KDM4C: variants seen among roughly 807,000 people sequenced by gnomAD.
KDM4C encodes the protein lysine demethylase 4C, also known as lysine-specific demethylase 4C.
In KDM4C, 81 loss-of-function variants were observed where a neutral mutation model predicts 129.3. The ratio of observed to expected loss-of-function variants is 0.63; its 90% CI spans 0.52 to 0.75. The LOEUF is 0.75. KDM4C is among the 30% of genes least tolerant of loss of function. The pLI, the probability that KDM4C is intolerant of heterozygous loss-of-function variation, is 0.00. For missense variants in KDM4C, 1,457 were observed against 1,304.0 expected, an observed-to-expected ratio of 1.12 and a Z score of -1.81; for synonymous variants, 573 against 456.1, an observed-to-expected ratio of 1.26 and a Z score of -3.26.
At chr9:6,776,567 C>T (rs1327087681) in intron 1 of KDM4C, among the ~76,000 whole-genome samples, 3 of 145,736 alleles carry the variant, frequency 2.1e-5, no homozygotes, top group African/African-American at 7.6e-5. Flanking sequence ...GGCTCAAGTC[C>T]CATTTATCTT....
At chr9:6,737,316 G>A (rs553405046) in intron 1 of KDM4C, among the ~76,000 whole-genome samples, 65 of 151,948 alleles carry the variant, frequency 4.3e-4, no homozygotes, top group Admixed American at 1.3e-3. Flanking sequence ...GAATCCATAA[G>A]GAACTTAAAC....
At chr9:7,042,831 C>CT (rs1828820156) in intron 15 of KDM4C, among the ~76,000 whole-genome samples, 1 of 151,990 alleles carries the variant, frequency 6.6e-6, no homozygotes, top group African/African-American at 2.4e-5. Flanking sequence ...AATTGTTCTC[C>CT]TTGCTGATTG....
chr9:6,771,297 A>G (rs1186558415), intron 1 of KDM4C, among the ~76,000 whole-genome samples: 1 of 150,848 alleles, frequency 6.6e-6, no homozygotes, highest in Admixed American at 6.6e-5. Flanking sequence ...ATGTTTTCTA[A>G]GTATTTCAAT....
intron 17 of KDM4C, among the ~76,000 whole-genome samples, chr9:7,085,170 A>T (rs918355320): frequency 3.3e-5 from 5 of 152,208 alleles, no homozygotes; most frequent in Non-Finnish European, 7.3e-5. Context: ...TGAAACCAGG[A>T]AGGGGCATTG....
At chr9:7,157,360 G>C (rs1262367554) in intron 19 of KDM4C, among the ~76,000 whole-genome samples, 2 of 152,158 alleles carry the variant, frequency 1.3e-5, no homozygotes, top group South Asian at 2.1e-4. Context: ...TCTCTTGCCT[G>C]ATTGCCCTGG....
intron 19 of KDM4C, among the ~76,000 whole-genome samples, chr9:7,159,764 C>A (rs1843579058): frequency 6.6e-6 from 1 of 152,118 alleles, no homozygotes; most frequent in South Asian, 2.1e-4. Context: ...GCCCTTAACA[C>A]TTTTTCCTTC....
intron 17 of KDM4C, among the ~76,000 whole-genome samples, chr9:7,073,828 T>G (rs1833543781): frequency 6.6e-6 from 1 of 152,186 alleles, no homozygotes; most frequent in Non-Finnish European, 1.5e-5. Context: ...TTGGAAAGCT[T>G]TGACAAACAG....
intron 17 of KDM4C, among the ~76,000 whole-genome samples, chr9:7,054,305 A>G (rs1166503471): frequency 1.3e-5 from 2 of 152,216 alleles, no homozygotes; most frequent in African/African-American, 4.8e-5. Flanking sequence ...ATTTATTCAG[A>G]ATTTTTTCCT....
Position 6,779,032 on chromosome 9 carries a change from C to CTTTTTT in KDM4C, c.-17-13931_-17-13926dup, listed in dbSNP as rs60503128. 1.1e-4 allele frequency among the ~76,000 whole-genome samples: 10 copies of CTTTTTT among 94,628 alleles called. 1 individual carries two copies. Among genetic ancestry groups the CTTTTTT allele is most frequent in the African/African-American group, 5.2e-4 (10 of 19,394 alleles). 62.1% of individuals were successfully genotyped at this position (94,628 alleles called of 152,430 possible). On this transcript the variant is annotated intron_variant, in intron 1 of 21. Coordinates refer to ENST00000381309, the MANE Select transcript of KDM4C (RefSeq NM_015061.6). Reference sequence around the variant, plus strand: ...CTACCTCACCAGGCCTGATTAAAGTCTTTTTTTTTTTTTTGAGATGGAGTC... The same window carrying CTTTTTT: ...CTACCTCACCAGGCCTGATTAAAGTCTTTTTTTTTTTTTTTTTTTTGAGATGGAGTC...
intron 2 of KDM4C, among the ~76,000 whole-genome samples, chr9:6,797,046 G>A (rs1474263399): frequency 4.7e-5 from 7 of 150,358 alleles, no homozygotes; most frequent in Non-Finnish European, 7.4e-5. Flanking sequence ...TGGTGTGATC[G>A]TGGCTCACTG....
chr9:7,092,822 C>T (rs1170028911), intron 17 of KDM4C, among the ~76,000 whole-genome samples: 1 of 152,074 alleles, frequency 6.6e-6, no homozygotes, highest in East Asian at 1.9e-4. Flanking sequence ...CGTGTTCTTG[C>T]ACACATCTGC....
intron 19 of KDM4C, among the ~76,000 whole-genome samples, chr9:7,135,219 G>A (rs1336059630): frequency 6.6e-6 from 1 of 151,062 alleles, no homozygotes; most frequent in Non-Finnish European, 1.5e-5. Context: ...AGATTCAGTA[G>A]TTGCCACAAA....
intron 3 of KDM4C, among the ~76,000 whole-genome samples, chr9:6,813,824 G>T (rs745961751): frequency 6.7e-4 from 102 of 152,262 alleles, no homozygotes; most frequent in Non-Finnish European, 1.0e-3. Context: ...ATAGGATATA[G>T]TATACACACT....
chr9:6,726,203 C>T (rs1227518573), intron 1 of KDM4C, among the ~76,000 whole-genome samples: 5 of 152,176 alleles, frequency 3.3e-5, no homozygotes, highest in Non-Finnish European at 7.3e-5. Context: ...GGATTACAGG[C>T]GTGAGCCACC....
chr9:7,020,913 CT>C (rs34853871), intron 15 of KDM4C, among the ~76,000 whole-genome samples: 77 of 141,684 alleles, frequency 5.4e-4, no homozygotes, highest in Non-Finnish European at 6.7e-4. Context: ...ATTCATTTTC[CT>C]TTTTTTTTTT....
intron 19 of KDM4C, among the ~76,000 whole-genome samples, chr9:7,131,544 C>A (rs1474136235): frequency 6.6e-6 from 1 of 152,070 alleles, no homozygotes; most frequent in African/African-American, 2.4e-5. Flanking sequence ...TCTTGAACTC[C>A]CGGGCTCAAC....
intron 15 of KDM4C, among the ~76,000 whole-genome samples, chr9:7,028,278 G>T (rs1646870139): frequency 6.6e-6 from 1 of 151,864 alleles, no homozygotes; most frequent in African/African-American, 2.4e-5. Context: ...GTTATTCAGG[G>T]CTCAAGGGCT....
At chr9:7,109,526 C>T (rs138734919) in intron 18 of KDM4C, among the ~76,000 whole-genome samples, 3 of 152,296 alleles carry the variant, frequency 2.0e-5, no homozygotes, top group East Asian at 1.9e-4. Flanking sequence ...TCAGCATATA[C>T]GCATTTCACT....
chr9:6,801,641 GTCTCTC>G (rs752049998), intron 2 of KDM4C, among the ~76,000 whole-genome samples: 2 of 133,158 alleles, frequency 1.5e-5, no homozygotes, highest in Non-Finnish European at 3.3e-5. Flanking sequence ...CTCTCTCTCT[GTCTCTC>G]TCTCTCTCTC....
Sources: allele counts gnomAD v4.1 joint callset (sites outside exome capture counted in the v4.1 genomes callset), GRCh38; gene constraint gnomAD v4.1.1; transcripts MANE v1.5; gene names NCBI Gene and HGNC (gene_info 2026-07-23, HGNC 2026-07-21).